Variants in CACHD1 observed in about 807,000 individuals in gnomAD.
The protein encoded by CACHD1 is cache domain containing 1.
CACHD1 carries 71 observed loss-of-function variants against 138.7 expected under a neutral mutation model. The observed-to-expected ratio is 0.51, with a 90% confidence interval of 0.42 to 0.62. CACHD1 has a LOEUF of 0.62. Ranked by LOEUF, CACHD1 falls within the 20% of genes least tolerant of loss-of-function variation. The pLI, the probability that CACHD1 is intolerant of heterozygous loss-of-function variation, is 0.00. For missense variants in CACHD1, 1,389 were observed against 1,625.3 expected (o/e 0.85, Z 2.50); for synonymous variants, 578 against 591.5 (o/e 0.98, Z 0.33).
intron 3 of CACHD1, among the ~76,000 whole-genome samples, chr1:64,592,167 A>T (rs558073127): frequency 6.6e-6 from 1 of 152,328 alleles, no homozygotes; most frequent in South Asian, 2.1e-4. Context: ...CATGTTTGAT[A>T]TTGATTTAGT....
chr1:64,551,727 G>A (rs893809134), intron 2 of CACHD1, among the ~76,000 whole-genome samples: 1 of 152,166 alleles, frequency 6.6e-6, no homozygotes, highest in Non-Finnish European at 1.5e-5. Context: ...TTGAAGTGCA[G>A]CATTTCCTGT....
intron 26 of CACHD1, 132 bp from the exon 27 acceptor site, chr1:64,691,191 A>G (rs1005968831): frequency 1.4e-6 from 1 of 739,630 alleles, no homozygotes; most frequent in Non-Finnish European, 2.3e-6. Context: ...GCATCTGCTG[A>G]CAGTCTGCCA....
Position 64,527,808 on chromosome 1 carries a change from C to G in CACHD1, c.199-22786C>G, listed in dbSNP as rs138082748. Among the ~76,000 whole-genome samples the G allele has an allele frequency of 1.3e-3, 200 of 152,226 alleles. 1 individual carries two copies. The highest frequency in any genetic ancestry group is 3.4e-3 in the Middle Eastern group (1 of 294). ...TTGATCTGATTGCCAGTACTGTGAT[C>G]TTAGAGTACTTGCTTTGTACAAAAA... is the stretch of plus-strand genomic sequence containing the variant. On this transcript the variant is annotated intron_variant, in intron 1 of 26. Coordinates refer to ENST00000651257, the MANE Select transcript of CACHD1 (RefSeq NM_020925.4).
intron 1 of CACHD1, among the ~76,000 whole-genome samples, chr1:64,539,108 A>G (rs17126635): frequency 0.039 from 5,898 of 152,190 alleles, 133 homozygotes; most frequent in Middle Eastern, 0.082. Context: ...GATGCTGTTC[A>G]TTTGGTTCTT....
At chr1:64,599,470 G>A (rs1647192842) in intron 3 of CACHD1, among the ~76,000 whole-genome samples, 1 of 152,056 alleles carries the variant, frequency 6.6e-6, no homozygotes, top group South Asian at 2.1e-4. Context: ...AGGGTGGAGT[G>A]GACACTGGAG....
intron 7 of CACHD1, among the ~76,000 whole-genome samples, chr1:64,635,220 T>G (rs1490358490): frequency 3.3e-5 from 5 of 151,942 alleles, no homozygotes; most frequent in East Asian, 1.9e-4. Flanking sequence ...TAATGCTGAT[T>G]GTCAGCTTTG....
In CACHD1 at chr1:64,602,825, A is replaced by G; in HGVS notation, c.430A>G (p.Thr144Ala). 6.2e-7 allele frequency: 1 copy of G among 1,612,552 alleles called. No homozygotes were observed. The highest frequency in any genetic ancestry group is 8.5e-7 in the Non-Finnish European group (1 of 1,178,842). ...TTTCAGATTCGATGGGAACTTTAATACCAATGTGTCTAGAACAATTAGTTG... is the reference window on the plus strand; with the variant it reads ...TTTCAGATTCGATGGGAACTTTAATGCCAATGTGTCTAGAACAATTAGTTG... Reference protein sequence around the residue: ...SMMEFDGNFNTNVSRTISCDR... With the variant: ...SMMEFDGNFNANVSRTISCDR... The change falls in exon 4 of 27, where the codon ACC (threonine) becomes GCC (alanine). Residue 144 changes from threonine to alanine, a missense_variant. This residue lies in a region of CACHD1 where 1,000 missense variants were observed against 1,114.7 expected (regional missense o/e 0.90). Transcript: ENST00000651257.
intron 3 of CACHD1, among the ~76,000 whole-genome samples, chr1:64,596,536 T>G (rs1647153461): frequency 6.6e-6 from 1 of 152,194 alleles, no homozygotes; most frequent in Non-Finnish European, 1.5e-5. Flanking sequence ...GAAGGGTTTT[T>G]GCCGCCTTTG....
chr1:64,499,880 T>C (rs1241940417), intron 1 of CACHD1, among the ~76,000 whole-genome samples: 1 of 152,248 alleles, frequency 6.6e-6, no homozygotes, highest in Non-Finnish European at 1.5e-5. Flanking sequence ...TTTATGCATT[T>C]AAACATATGA....
In CACHD1 at chr1:64,470,697, C is replaced by G; in HGVS notation, c.-48C>G. The G allele has an allele frequency of 2.1e-6, 1 of 480,088 alleles. No individual in the cohort carries two copies. Among genetic ancestry groups the G allele is most frequent in the Non-Finnish European group, 3.6e-6 (1 of 278,902 alleles). 29.7% of individuals were successfully genotyped at this position (480,088 alleles called of 1,614,324 possible). On this transcript the variant is annotated 5_prime_UTR_variant, in exon 1 of 27. Transcript: ENST00000651257. This position sits in a 1 kb window ranked among gnomAD's most constrained non-coding sequence, Gnocchi z 5.2. Reference sequence around the variant, plus strand: ...TTTGCGGGGGGCACCTCCCGCGGCCCGCTTCCCCGCGCCCGGAGCCCGTCG... The same window carrying G: ...TTTGCGGGGGGCACCTCCCGCGGCCGGCTTCCCCGCGCCCGGAGCCCGTCG...
chr1:64,540,150 A>G (rs1332039468), intron 1 of CACHD1, among the ~76,000 whole-genome samples: 1 of 152,206 alleles, frequency 6.6e-6, no homozygotes, highest in Admixed American at 6.5e-5. Flanking sequence ...TAATGGATAG[A>G]TTCCCAGAGA....
At chr1:64,689,253 C>A (rs1650464236) in intron 26 of CACHD1, among the ~76,000 whole-genome samples, 1 of 152,186 alleles carries the variant, frequency 6.6e-6, no homozygotes, top group African/African-American at 2.4e-5. Context: ...ACATATGTGA[C>A]CAACAGAGTC....
chr1:64,503,631 C>T (rs1317407427), intron 1 of CACHD1, among the ~76,000 whole-genome samples: 2 of 152,158 alleles, frequency 1.3e-5, no homozygotes, highest in Non-Finnish European at 2.9e-5. Context: ...TTTTGTTTAA[C>T]TCATGTTAAA....
intron 4 of CACHD1, among the ~76,000 whole-genome samples, chr1:64,626,063 C>T (rs572694064): frequency 6.6e-6 from 1 of 152,344 alleles, no homozygotes; most frequent in East Asian, 1.9e-4. Context: ...TTGACAGAGG[C>T]ATCACCATGG....
chr1:64,475,144 T>A (rs1444550589), intron 1 of CACHD1, among the ~76,000 whole-genome samples: 14 of 148,928 alleles, frequency 9.4e-5, no homozygotes, highest in African/African-American at 3.4e-4. Flanking sequence ...TTGTATGCAG[T>A]AAAACAACAA....
chr1:64,683,576 G>A (rs932703971), intron 26 of CACHD1, among the ~76,000 whole-genome samples: 8 of 152,110 alleles, frequency 5.3e-5, no homozygotes, highest in Non-Finnish European at 1.2e-4. Context: ...CAGTAAAATG[G>A]CATATGAAGC....
intron 2 of CACHD1, among the ~76,000 whole-genome samples, chr1:64,564,310 T>C (rs916185231): frequency 6.6e-6 from 1 of 152,160 alleles, no homozygotes; most frequent in East Asian, 1.9e-4. Context: ...TTACCGACTT[T>C]TTATCTGTAT....
chr1:64,685,396 T>C (rs1302368920), intron 26 of CACHD1, among the ~76,000 whole-genome samples: 2 of 152,222 alleles, frequency 1.3e-5, no homozygotes, highest in Non-Finnish European at 2.9e-5. Context: ...TCTCATAATG[T>C]ATCTCTGTCA....
intron 13 of CACHD1, among the ~76,000 whole-genome samples, chr1:64,660,489 A>G (rs1649405218): frequency 6.6e-6 from 1 of 152,088 alleles, no homozygotes; most frequent in Admixed American, 6.5e-5. Context: ...AGCATATTAT[A>G]AAAATTACTT....
Sources: allele counts gnomAD v4.1 joint callset (sites outside exome capture counted in the v4.1 genomes callset), GRCh38; gene constraint gnomAD v4.1.1; regional missense constraint gnomAD v4.1.1; non-coding constraint Gnocchi (gnomAD v3.1); transcripts MANE v1.5; gene names NCBI Gene and HGNC (gene_info 2026-07-23, HGNC 2026-07-21).